Variants in MORC3 observed in about 807,000 individuals in gnomAD.
The protein encoded by MORC3 is MORC family CW-type zinc finger protein 3.
MORC3 carries 31 observed loss-of-function variants against 109.1 expected under a neutral mutation model. The ratio of observed to expected loss-of-function variants is 0.28; its 90% CI spans 0.21 to 0.38. MORC3 has a LOEUF of 0.38. Ranked by LOEUF, MORC3 falls within the 10% of genes least tolerant of loss-of-function variation. The pLI is 1.00. For missense variants in MORC3, 867 were observed against 1,135.8 expected, an observed-to-expected ratio of 0.76 and a Z score of 3.40; for synonymous variants, 395 against 380.7, an observed-to-expected ratio of 1.04 and a Z score of -0.44.
chr21:36,337,028 T>G (rs1395728785), intron 3 of MORC3, 22 bp downstream of exon 3: 1 of 1,599,678 alleles, frequency 6.3e-7, no homozygotes, highest in Admixed American at 1.8e-5. Context: ...TGTGCCACAC[T>G]TCTTAAAATT....
In MORC3 at chr21:36,320,221, C is replaced by G. The variant is rs779870830; in HGVS notation, c.-44C>G. The G allele has an allele frequency of 1.9e-6, 3 of 1,563,984 alleles. No homozygotes were observed. Among genetic ancestry groups the G allele is most frequent in the Non-Finnish European group, 2.6e-6 (3 of 1,154,700 alleles). On this transcript the variant is annotated 5_prime_UTR_variant, in exon 1 of 17. Coordinates refer to ENST00000400485, the MANE Select transcript of MORC3 (RefSeq NM_015358.3). Reference sequence around the variant, plus strand: ...CACAGTCGTTCCGCCACCTCCCAGTCGGGTTGCGGCGGAGGCCGTTCCTGG... The same window carrying G: ...CACAGTCGTTCCGCCACCTCCCAGTGGGGTTGCGGCGGAGGCCGTTCCTGG...
chr21:36,369,390 T>G lies in MORC3; in HGVS notation c.2022T>G (p.Ala674=). 6.2e-7 allele frequency: 1 copy of G among 1,614,098 alleles called. No individual in the cohort carries two copies. Among genetic ancestry groups the G allele is most frequent in the South Asian group, 1.1e-5 (1 of 91,074 alleles). Residue 674 remains alanine (A), a synonymous_variant, in exon 15 of 17, where the codon GCT becomes GCG. Coordinates refer to ENST00000400485, the MANE Select transcript of MORC3 (RefSeq NM_015358.3). ...TGATTCTGCCCTCCTGTGTAGAAGC[T>G]GAAGCAAAGATACATGAAACCCAGG... is the stretch of plus-strand genomic sequence containing the variant. ...DAVILPSCVE[A]EAKIHETQET...
chr21:36,357,248 ATATCTGTGTGTTCTT>A lies in MORC3; in HGVS notation c.1208+543_1208+557del, dbSNP rs573827959. Among the ~76,000 whole-genome samples the A allele has an allele frequency of 1.0e-3, 159 of 152,342 alleles. No homozygotes were observed. The Middle Eastern group carries it at 0.037, about 36-fold the overall frequency. ...AGTCCTATAAATGAATGAATGAACAATATCTGTGTGTTCTTTATCTGTGTGTTCTTTATACATTAT... is the reference window on the plus strand; with the variant it reads ...AGTCCTATAAATGAATGAATGAACAATATCTGTGTGTTCTTTATACATTAT... On this transcript the variant is annotated intron_variant, in intron 10 of 16. Transcript: ENST00000400485.
intron 9 of MORC3, among the ~76,000 whole-genome samples, chr21:36,351,877 C>T (rs572349041): frequency 6.6e-6 from 1 of 152,234 alleles, no homozygotes; most frequent in South Asian, 2.1e-4. Context: ...TGAAGAGATA[C>T]CTGCACTCTC....
At chr21:36,340,836 C>A (rs1401474390) in intron 5 of MORC3, among the ~76,000 whole-genome samples, 1 of 152,018 alleles carries the variant, frequency 6.6e-6, no homozygotes, top group Non-Finnish European at 1.5e-5. Flanking sequence ...AGGGTTTTGC[C>A]ATATTGACCA....
Position 36,362,193 on chromosome 21 carries a change from A to G in MORC3, c.1417A>G (p.Lys473Glu). 1.2e-6 allele frequency: 2 copies of G among 1,612,948 alleles called. No homozygotes were observed. The highest frequency in any genetic ancestry group is 1.7e-6 in the Non-Finnish European group (2 of 1,179,728). ...EKTYKKTNKE[K>E]FRIRQPEMIP... ...ATCTTTATTTTAAAGCAACAAGGAA[A>G]AATTCAGGATCAGACAACCGGAAAT... Residue 473 changes from lysine to glutamate, a missense_variant, in exon 13 of 17, where the codon AAA (lysine) becomes GAA (glutamate). Coordinates refer to ENST00000400485, the MANE Select transcript of MORC3 (RefSeq NM_015358.3).
chr21:36,369,584 T>C lies in MORC3; in HGVS notation c.2216T>C (p.Val739Ala), dbSNP rs2085828927. 6.2e-7 allele frequency: 1 copy of C among 1,614,100 alleles called. No individual in the cohort carries two copies. Among genetic ancestry groups the C allele is most frequent in the African/African-American group, 1.3e-5 (1 of 74,936 alleles). ...ATACTAGAAATGAATGACAAGTATG[T>C]TAAGAAAGAAACTTGCCATCAGTCC... ...QRILEMNDKY[V>A]KKETCHQSTE... Residue 739 changes from valine to alanine, a missense_variant, in exon 15 of 17, where the codon GTT (valine) becomes GCT (alanine). By Grantham distance (64) the Val-to-Ala change is moderately conservative. Around this residue, in one of 7 missense-constraint regions of MORC3, gnomAD observed 486 missense variants for 502.1 expected, o/e 0.97. Transcript: ENST00000400485.
chr21:36,347,258 G>C (rs1469394678), intron 8 of MORC3, among the ~76,000 whole-genome samples: 2 of 152,124 alleles, frequency 1.3e-5, no homozygotes, highest in African/African-American at 4.8e-5. Context: ...ACTTAACAGG[G>C]GTTCTGACTC....
chr21:36,327,097 C>G (rs1016676804), intron 1 of MORC3, among the ~76,000 whole-genome samples: 2 of 147,328 alleles, frequency 1.4e-5, no homozygotes, highest in Non-Finnish European at 3.0e-5. Flanking sequence ...TTACAGCAGG[C>G]GTGAGCCAGC....
At chr21:36,336,519 C>T (rs1221043702) in intron 2 of MORC3, among the ~76,000 whole-genome samples, 1 of 152,232 alleles carries the variant, frequency 6.6e-6, no homozygotes, top group African/African-American at 2.4e-5. Flanking sequence ...GCTGGGATTA[C>T]AGGCGTGAGC....
chr21:36,320,882 C>T (rs1178556023), intron 1 of MORC3, among the ~76,000 whole-genome samples: 1 of 152,210 alleles, frequency 6.6e-6, no homozygotes, highest in African/African-American at 2.4e-5. Flanking sequence ...TCCCGCGTTG[C>T]GTCTGTTTTG....
At chr21:36,354,868 G>A (rs1207045211) in intron 9 of MORC3, among the ~76,000 whole-genome samples, 2 of 152,306 alleles carry the variant, frequency 1.3e-5, no homozygotes, top group East Asian at 1.9e-4. Flanking sequence ...CTCAGGTGTG[G>A]TGTCTGTTCG....
chr21:36,335,722 A>G (rs1489244651), intron 2 of MORC3, among the ~76,000 whole-genome samples: 1 of 152,250 alleles, frequency 6.6e-6, no homozygotes, highest in Non-Finnish European at 1.5e-5. Context: ...AAAATGTAAA[A>G]GCCACCAGAA....
Position 36,356,717 on chromosome 21 carries a change from G to A in MORC3, c.1201G>A (p.Asp401Asn). ...TEYPLNLPVE[D>N]IQKRPDQTWV... Reference sequence around the variant, plus strand: ...ATATCCTCTAAATTTGCCAGTTGAAGATATACAGTAAGTACATTTTTAAAA... The same window carrying A: ...ATATCCTCTAAATTTGCCAGTTGAAAATATACAGTAAGTACATTTTTAAAA... Residue 401 changes from aspartate (D) to asparagine (N), a missense_variant, in exon 10 of 17, where the codon GAT (aspartate) becomes AAT (asparagine). This residue lies in a region of MORC3 where 120 missense variants were observed against 259.7 expected (regional missense o/e 0.46). Coordinates refer to ENST00000400485, the MANE Select transcript of MORC3 (RefSeq NM_015358.3). The A allele has an allele frequency of 6.5e-7, 1 of 1,550,068 alleles. No homozygotes were observed. Among genetic ancestry groups the A allele is most frequent in the Non-Finnish European group, 8.8e-7 (1 of 1,134,212 alleles).
At chr21:36,320,490 G>C (rs951437330) in intron 1 of MORC3, 187 bp downstream of exon 1, 1 of 481,034 alleles carries the variant, frequency 2.1e-6, no homozygotes, top group Admixed American at 4.7e-5. Context: ...GCCGGGCTGC[G>C]TTCCGTCGCC....
At chr21:36,335,916 CTCTT>C (rs1269138107) in intron 2 of MORC3, among the ~76,000 whole-genome samples, 1 of 152,002 alleles carries the variant, frequency 6.6e-6, no homozygotes, top group African/African-American at 2.4e-5. Flanking sequence ...GTTAGTCTCT[CTCTT>C]TTTTTCTTTT....
Position 36,372,549 on chromosome 21 carries a change from G to GT in MORC3, c.2666+23dup. 1 of 1,558,930 alleles carries GT rather than the reference G, an allele frequency of 6.4e-7. No homozygotes were observed. The highest frequency in any genetic ancestry group is 8.6e-7 in the Non-Finnish European group (1 of 1,160,434). On this transcript the variant is annotated intron_variant, in intron 16 of 16. Transcript: ENST00000400485. ...GGAGAAAGGTAATATTAAATGAGGC[G>GT]TTTTTGTGGGGCTGCAATTATGGTT...
intron 1 of MORC3, 146 bp downstream of exon 1, chr21:36,320,449 C>A (rs1398212021): frequency 6.8e-6 from 5 of 731,546 alleles, no homozygotes; most frequent in South Asian, 5.6e-5. Flanking sequence ...GCGGCCATCT[C>A]GCTCCCGTCG....
intron 1 of MORC3, chr21:36,320,661 T>G: frequency 1.5e-5 from 3 of 204,958 alleles, no homozygotes. Flanking sequence ...TTCTGTCCGC[T>G]GGGCGTCGTG....
Sources: allele counts gnomAD v4.1 joint callset (sites outside exome capture counted in the v4.1 genomes callset), GRCh38; gene constraint gnomAD v4.1.1; regional missense constraint gnomAD v4.1.1; transcripts MANE v1.5; gene names NCBI Gene and HGNC (gene_info 2026-07-23, HGNC 2026-07-21).